The following CCSER1 variants were observed in gnomAD, a reference collection of about 807,000 sequenced individuals.
CCSER1 encodes the protein coiled-coil serine rich protein 1.
CCSER1 carries 41 observed loss-of-function variants against 82.0 expected under a neutral mutation model. The ratio of observed to expected loss-of-function variants is 0.50; its 90% confidence interval spans 0.39 to 0.65. The LOEUF is 0.65. Among genes scored for constraint, CCSER1 ranks in the 30% least tolerant of loss-of-function variants. The pLI is 0.00. For missense variants in CCSER1, 1,119 were observed against 1,064.2 expected (o/e 1.05, Z -0.72); for synonymous variants, 414 against 383.9 (o/e 1.08, Z -0.92).
chr4:91,124,844 G>A (rs1727370447), intron 10 of CCSER1, among the ~76,000 whole-genome samples: 1 of 151,684 alleles, frequency 6.6e-6, no homozygotes, highest in Non-Finnish European at 1.5e-5. Context: ...AGCTGAGAGA[G>A]TCAAAGTCTT....
At chr4:91,154,730 G>T (rs1730630049) in intron 10 of CCSER1, among the ~76,000 whole-genome samples, 1 of 151,948 alleles carries the variant, frequency 6.6e-6, no homozygotes. Context: ...CATATGAGAT[G>T]AATACTGGAT....
In CCSER1 at chr4:90,723,996, A is replaced by G. The variant is rs571390868; in HGVS notation, c.2010+5A>G. Reference sequence around the variant, plus strand: ...GAAGAGCCAGTGCCTTTCAAGGTAAAAAACAAACAAGAAAGCATTATTTAT... The same window carrying G: ...GAAGAGCCAGTGCCTTTCAAGGTAAGAAACAAACAAGAAAGCATTATTTAT... On this transcript the variant is annotated splice_donor_5th_base_variant and intron_variant, in intron 7 of 10. Transcript: ENST00000509176. 8 of 1,521,934 alleles carry G rather than the reference A, an allele frequency of 5.3e-6. No homozygotes were observed. Among genetic ancestry groups the G allele is most frequent in the African/African-American group, 4.1e-5 (3 of 72,800 alleles). 94.3% of individuals were successfully genotyped at this position (1,521,934 alleles called of 1,614,324 possible).
At chr4:90,158,174 G>A (rs1728665841) in intron 1 of CCSER1, among the ~76,000 whole-genome samples, 1 of 135,350 alleles carries the variant, frequency 7.4e-6, no homozygotes, top group South Asian at 2.4e-4. Flanking sequence ...CAGCCGTGGT[G>A]GCTGCATAAA....
At chr4:91,182,902 G>C (rs1161450333) in intron 10 of CCSER1, among the ~76,000 whole-genome samples, 2 of 152,230 alleles carry the variant, frequency 1.3e-5, no homozygotes, top group Non-Finnish European at 2.9e-5. Context: ...GTACCATTTG[G>C]TAAGTTGGGC....
At chr4:90,285,733 G>A (rs1729759734) in intron 1 of CCSER1, among the ~76,000 whole-genome samples, 1 of 151,882 alleles carries the variant, frequency 6.6e-6, no homozygotes, top group Non-Finnish European at 1.5e-5. Context: ...ATAGAGGAAG[G>A]GCTTTTAGTT....
intron 3 of CCSER1, among the ~76,000 whole-genome samples, chr4:90,343,958 G>A (rs78324490): frequency 0.065 from 9,841 of 151,968 alleles, 419 homozygotes; most frequent in East Asian, 0.19. Flanking sequence ...ACTCTGTTGC[G>A]CTATCAAATA....
Position 91,523,586 on chromosome 4 carries a change from T to C in CCSER1, c.2218-74986T>C, listed in dbSNP as rs187493768. ...TGGTCTATTCAAGGATGCAACTTCTTCCTGGTTTAGTCTTGGGAGGGTATA... is the reference window on the plus strand; with the variant it reads ...TGGTCTATTCAAGGATGCAACTTCTCCCTGGTTTAGTCTTGGGAGGGTATA... On this transcript the variant is annotated intron_variant, in intron 10 of 10. Coordinates refer to ENST00000509176, the MANE Select transcript of CCSER1 (RefSeq NM_001145065.2). Among the ~76,000 whole-genome samples the C allele has an allele frequency of 6.2e-4, 95 of 152,342 alleles. 1 individual carries two copies. The East Asian group carries it at 0.016, about 26-fold the overall frequency.
chr4:90,389,369 A>T (rs1306704266), intron 3 of CCSER1, among the ~76,000 whole-genome samples: 1 of 152,190 alleles, frequency 6.6e-6, no homozygotes, highest in African/African-American at 2.4e-5. Context: ...GTCTTTAAAC[A>T]TTCCTCTGTA....
chr4:91,136,692 C>T (rs1219509642), intron 10 of CCSER1, among the ~76,000 whole-genome samples: 1 of 152,004 alleles, frequency 6.6e-6, no homozygotes, highest in Non-Finnish European at 1.5e-5. Flanking sequence ...AAACTTTACC[C>T]AATATGAAAT....
intron 10 of CCSER1, among the ~76,000 whole-genome samples, chr4:91,395,528 C>A (rs1342617644): frequency 6.6e-6 from 1 of 152,012 alleles, no homozygotes. Context: ...GATCTGATCA[C>A]ATTGGTGTCA....
intron 10 of CCSER1, among the ~76,000 whole-genome samples, chr4:91,465,460 A>C (rs982642385): frequency 5.9e-5 from 9 of 152,156 alleles, no homozygotes; most frequent in Non-Finnish European, 1.2e-4. Context: ...AGCAAGAGCA[A>C]ACATATTCAA....
intron 10 of CCSER1, among the ~76,000 whole-genome samples, chr4:91,142,213 C>G (rs993486686): frequency 4.6e-5 from 7 of 152,100 alleles, no homozygotes; most frequent in Non-Finnish European, 1.0e-4. Flanking sequence ...ATAAGTGTCA[C>G]AAGATCTCAT....
intron 1 of CCSER1, among the ~76,000 whole-genome samples, chr4:90,216,950 T>A (rs1282851466): frequency 6.6e-6 from 1 of 152,194 alleles, no homozygotes; most frequent in Non-Finnish European, 1.5e-5. Context: ...TTGTCATCTG[T>A]GATTTCTTTT....
In CCSER1 at chr4:91,244,272, A is replaced by C. The variant is rs527747253; in HGVS notation, c.2217+158278A>C. On this transcript the variant is annotated intron_variant, in intron 10 of 10. Coordinates refer to ENST00000509176, the MANE Select transcript of CCSER1 (RefSeq NM_001145065.2). ...AGTCTAGAACATCAGGTATACTGTT[A>C]AGGTTACAGACTCTAAGCCCTGGTT... is the stretch of plus-strand genomic sequence containing the variant. 1.2e-4 allele frequency among the ~76,000 whole-genome samples: 19 copies of C among 152,300 alleles called. No individual in the cohort carries two copies. In the South Asian group the frequency reaches 1.9e-3, roughly 15 times the overall value.
chr4:91,523,863 C>T (rs527865282), intron 10 of CCSER1, among the ~76,000 whole-genome samples: 249 of 152,216 alleles, frequency 1.6e-3, no homozygotes, highest in African/African-American at 5.8e-3. Flanking sequence ...TTTGTTGTGT[C>T]TCTATGTCCT....
intron 4 of CCSER1, among the ~76,000 whole-genome samples, chr4:90,410,036 G>A (rs536544386): frequency 4.6e-4 from 70 of 152,212 alleles, no homozygotes; most frequent in African/African-American, 1.5e-3. Flanking sequence ...GACAAAGAAG[G>A]CCATTACATA....
chr4:91,173,210 T>C (rs532310800), intron 10 of CCSER1, among the ~76,000 whole-genome samples: 3 of 152,348 alleles, frequency 2.0e-5, no homozygotes, highest in African/African-American at 7.2e-5. Context: ...AGAATGTCTT[T>C]AAAACAATAG....
At chr4:90,383,311 T>C (rs1749506685) in intron 3 of CCSER1, among the ~76,000 whole-genome samples, 1 of 152,086 alleles carries the variant, frequency 6.6e-6, no homozygotes, top group African/African-American at 2.4e-5. Context: ...GAATTATAGA[T>C]AGGCAAAATG....
At position 91,482,408 on chromosome 4, in the gene CCSER1, CAAAAAA is replaced by C. The variant is rs537828832; in HGVS notation, c.2218-116145_2218-116140del. On this transcript the variant is annotated intron_variant, in intron 10 of 10. Coordinates refer to ENST00000509176, the MANE Select transcript of CCSER1 (RefSeq NM_001145065.2). ...TGGGTGACAGAGCGAGACTCCGTCT[CAAAAAA>C]AAAAAAAAAAAAAAAAAAGTCAGGA... 8.4e-3 allele frequency among the ~76,000 whole-genome samples: 587 copies of C among 70,010 alleles called. 3 individuals are homozygous for C. Among genetic ancestry groups the C allele is most frequent in the African/African-American group, 0.027 (460 of 16,838 alleles). The allele number at this position is 70,010 out of a possible 152,430, so 45.9% of individuals were successfully genotyped here. A position where few individuals can be genotyped will look rare whatever the true frequency, so the allele number is the denominator to read the frequency against.
Sources: gnomAD v4.1 joint callset for allele counts (sites outside exome capture counted in the v4.1 genomes callset) on GRCh38, gnomAD v4.1.1 for gene constraint, MANE v1.5 for transcripts, NCBI Gene and HGNC (gene_info 2026-07-23, HGNC 2026-07-21) for gene names.